The following NALF1 variants were observed in gnomAD, a reference collection of about 807,000 sequenced individuals.
NALF1 encodes the protein family with sequence similarity 155 member A.
In NALF1, 3 loss-of-function variants were observed where a neutral mutation model predicts 48.4. The ratio of observed to expected loss-of-function variants is 0.06; its 90% CI spans 0.03 to 0.16. The LOEUF is 0.16. Ranked by LOEUF, NALF1 falls within the 10% of genes least tolerant of loss-of-function variation. The pLI, the probability that NALF1 is intolerant of heterozygous loss-of-function variation, is 1.00. For missense variants in NALF1, 526 were observed against 571.5 expected, an observed-to-expected ratio of 0.92 and a Z score of 0.81; for synonymous variants, 262 against 245.7, an observed-to-expected ratio of 1.07 and a Z score of -0.62.
At chr13:107,840,604 G>A (rs1174187211) in intron 1 of NALF1, among the ~76,000 whole-genome samples, 1 of 152,302 alleles carries the variant, frequency 6.6e-6, no homozygotes, top group South Asian at 2.1e-4. Flanking sequence ...AGTGTACTTG[G>A]TCTCACTGAC....
chr13:107,565,937 G>A (rs569323510), intron 1 of NALF1, among the ~76,000 whole-genome samples: 26 of 152,258 alleles, frequency 1.7e-4, no homozygotes, highest in Admixed American at 5.2e-4. Flanking sequence ...AAACAGAAAC[G>A]AAATGTTCCC....
chr13:107,285,431 T>C (rs1328850906), intron 1 of NALF1, among the ~76,000 whole-genome samples: 17 of 152,240 alleles, frequency 1.1e-4, no homozygotes, highest in Non-Finnish European at 1.5e-5. Flanking sequence ...ACAGCATGGC[T>C]GTTCTTAGAC....
chr13:107,557,415 G>A (rs571155262), intron 1 of NALF1, among the ~76,000 whole-genome samples: 1 of 152,246 alleles, frequency 6.6e-6, no homozygotes, highest in East Asian at 1.9e-4. Flanking sequence ...GTGACGGTTT[G>A]CATACCGTGG....
At chr13:107,535,239 G>C (rs1034641705) in intron 1 of NALF1, among the ~76,000 whole-genome samples, 2 of 152,078 alleles carry the variant, frequency 1.3e-5, no homozygotes, top group Non-Finnish European at 2.9e-5. Context: ...TGGTGAGAGA[G>C]GGCACCCCTG....
At chr13:107,301,162 T>C (rs1314114850) in intron 1 of NALF1, among the ~76,000 whole-genome samples, 2 of 152,180 alleles carry the variant, frequency 1.3e-5, no homozygotes, top group Non-Finnish European at 2.9e-5. Context: ...TGAAGTCTAG[T>C]TCCCCACTGT....
intron 1 of NALF1, among the ~76,000 whole-genome samples, chr13:107,365,438 C>A (rs867458552): frequency 1.2e-4 from 19 of 152,228 alleles, no homozygotes; most frequent in Middle Eastern, 6.8e-3. Flanking sequence ...AAATACACAT[C>A]TCTCAGTTCA....
intron 1 of NALF1, among the ~76,000 whole-genome samples, chr13:107,863,929 C>T (rs1880643792): frequency 6.6e-6 from 1 of 152,126 alleles, no homozygotes; most frequent in Admixed American, 6.5e-5. Context: ...TGGAAATTAT[C>T]AGAAATTAGG....
chr13:107,501,314 G>A (rs888050671), intron 1 of NALF1, among the ~76,000 whole-genome samples: 5 of 152,050 alleles, frequency 3.3e-5, no homozygotes, highest in Non-Finnish European at 1.5e-5. Flanking sequence ...CAGCGTGGGG[G>A]ATCATATTTC....
At chr13:107,718,180 C>G (rs1875878116) in intron 1 of NALF1, among the ~76,000 whole-genome samples, 1 of 152,196 alleles carries the variant, frequency 6.6e-6, no homozygotes, top group South Asian at 2.1e-4. Context: ...TAGAGTCTTT[C>G]CCACTCTAGA....
At chr13:107,299,733 A>T (rs1399385316) in intron 1 of NALF1, among the ~76,000 whole-genome samples, 1 of 151,638 alleles carries the variant, frequency 6.6e-6, no homozygotes, top group Non-Finnish European at 1.5e-5. Context: ...TATGTATTTG[A>T]ATAACGTTGT....
chr13:107,304,130 A>G (rs574377568), intron 1 of NALF1, among the ~76,000 whole-genome samples: 2 of 152,262 alleles, frequency 1.3e-5, no homozygotes, highest in African/African-American at 4.8e-5. Flanking sequence ...TATACTTAAT[A>G]TTGTAGATCT....
intron 1 of NALF1, among the ~76,000 whole-genome samples, chr13:107,812,200 G>A (rs1374351951): frequency 6.6e-6 from 1 of 152,012 alleles, no homozygotes; most frequent in Non-Finnish European, 1.5e-5. Context: ...AAGTCTACAG[G>A]TAGCATAAAT....
intron 1 of NALF1, among the ~76,000 whole-genome samples, chr13:107,855,309 G>A (rs1880418028): frequency 6.6e-6 from 1 of 152,216 alleles, no homozygotes; most frequent in South Asian, 2.1e-4. Context: ...CAGCCCGGGA[G>A]AGCTTTGAAT....
At chr13:107,656,956 A>G (rs1290866653) in intron 1 of NALF1, among the ~76,000 whole-genome samples, 1 of 152,136 alleles carries the variant, frequency 6.6e-6, no homozygotes, top group Non-Finnish European at 1.5e-5. Context: ...CTAAGCTATG[A>G]GAACACAAAG....
intron 1 of NALF1, among the ~76,000 whole-genome samples, chr13:107,696,483 C>T (rs927235979): frequency 2.0e-5 from 3 of 151,924 alleles, no homozygotes; most frequent in African/African-American, 7.3e-5. Context: ...CAGACACAGT[C>T]TTAAATACCA....
rs146435514 is a variant in NALF1 at position 107,581,359 on chromosome 13, C to T, written c.915+284323G>A. Among the ~76,000 whole-genome samples the T allele has an allele frequency of 3.7e-3, 570 of 152,244 alleles. 5 individuals carry two copies. The highest frequency in any genetic ancestry group is 4.4e-3 in the Non-Finnish European group (300 of 68,006). On this transcript the variant is annotated intron_variant, in intron 1 of 2. Coordinates refer to ENST00000375915, the MANE Select transcript of NALF1 (RefSeq NM_001080396.3). ...TCTGTAACTTAGTGCACTATCATTC[C>T]GTATCTGATTCATACCTTTGAGCTT...
intron 1 of NALF1, among the ~76,000 whole-genome samples, chr13:107,309,538 A>G (rs1328480579): frequency 6.6e-6 from 1 of 152,142 alleles, no homozygotes; most frequent in African/African-American, 2.4e-5. Flanking sequence ...TTAATCAACT[A>G]GCATTATCCA....
intron 1 of NALF1, among the ~76,000 whole-genome samples, chr13:107,818,127 G>T (rs146223542): frequency 6.6e-6 from 1 of 152,054 alleles, no homozygotes; most frequent in Non-Finnish European, 1.5e-5. Context: ...TGATGGCATC[G>T]GAGGGACATC....
intron 1 of NALF1, among the ~76,000 whole-genome samples, chr13:107,844,904 T>A (rs1268227328): frequency 6.6e-6 from 1 of 152,122 alleles, no homozygotes; most frequent in African/African-American, 2.4e-5. Flanking sequence ...CTTTTTCATG[T>A]TTATGATACT....
Sources: allele counts gnomAD v4.1 joint callset (sites outside exome capture counted in the v4.1 genomes callset), GRCh38; gene constraint gnomAD v4.1.1; transcripts MANE v1.5; gene names NCBI Gene and HGNC (gene_info 2026-07-23, HGNC 2026-07-21).